Variants in POU6F2 observed in about 807,000 individuals in gnomAD.
POU6F2 encodes the protein POU class 6 homeobox 2.
Under a neutral mutation model 71.3 loss-of-function variants are expected in POU6F2, and 31 were observed. That is an observed-to-expected ratio of 0.43 (90% CI 0.33 to 0.59). POU6F2 has a LOEUF of 0.59. Among genes scored for constraint, POU6F2 ranks in the 20% least tolerant of loss-of-function variants. POU6F2 has a pLI of 0.04. For missense variants in POU6F2, 783 were observed against 856.8 expected, an observed-to-expected ratio of 0.91 and a Z score of 1.07; for synonymous variants, 347 against 355.7, an observed-to-expected ratio of 0.98 and a Z score of 0.27.
chr7:39,172,218 C>G (rs979885047), intron 2 of POU6F2, among the ~76,000 whole-genome samples: 3 of 152,132 alleles, frequency 2.0e-5, no homozygotes, highest in Non-Finnish European at 4.4e-5. Flanking sequence ...AACATTAGAT[C>G]ACATACATTT....
At chr7:39,340,146 T>A in intron 5 of POU6F2, 131 bp downstream of exon 5, 3 of 1,275,620 alleles carry the variant, frequency 2.4e-6, no homozygotes, top group Non-Finnish European at 3.1e-6. Context: ...TTCAAATTGA[T>A]CTCTTAGACA....
intron 5 of POU6F2, chr7:39,404,583 A>G (rs1293527581): frequency 6.6e-6 from 1 of 152,250 alleles, no homozygotes; most frequent in Non-Finnish European, 1.5e-5. Flanking sequence ...GATCCAACTG[A>G]ACATAATTTA....
chr7:39,239,653 A>G (rs75621211), intron 4 of POU6F2, among the ~76,000 whole-genome samples: 18,806 of 152,110 alleles, frequency 0.12, 1,178 homozygotes, highest in East Asian at 0.15. Flanking sequence ...AGGATTAAAT[A>G]AAATTACAAC....
chr7:39,092,738 A>C (rs1430726473), intron 2 of POU6F2, among the ~76,000 whole-genome samples: 1 of 152,170 alleles, frequency 6.6e-6, no homozygotes, highest in Non-Finnish European at 1.5e-5. Flanking sequence ...AAAGGAAACA[A>C]GGGTGGACTT....
chr7:39,197,725 A>G (rs1450126168), intron 2 of POU6F2, among the ~76,000 whole-genome samples: 1 of 152,228 alleles, frequency 6.6e-6, no homozygotes, highest in Non-Finnish European at 1.5e-5. Flanking sequence ...TAAAAATCAG[A>G]CAAACTATTT....
intron 4 of POU6F2, among the ~76,000 whole-genome samples, chr7:39,244,140 A>G (rs1365353876): frequency 6.8e-6 from 1 of 146,556 alleles, no homozygotes; most frequent in Admixed American, 6.8e-5. Context: ...GAGAAATTCA[A>G]TTAAAACTTC....
At chr7:39,150,530 G>A (rs1036321504) in intron 2 of POU6F2, among the ~76,000 whole-genome samples, 37 of 127,466 alleles carry the variant, frequency 2.9e-4, no homozygotes, top group African/African-American at 1.0e-3. Flanking sequence ...GCAGTTGTGT[G>A]ATCTCGGCTC....
At chr7:39,341,948 G>T (rs1785927045) in intron 5 of POU6F2, among the ~76,000 whole-genome samples, 1 of 152,172 alleles carries the variant, frequency 6.6e-6, no homozygotes. Flanking sequence ...AAATCCCAGG[G>T]CTGTTTGTTT....
intron 2 of POU6F2, among the ~76,000 whole-genome samples, chr7:39,096,791 C>T (rs185678181): frequency 4.5e-4 from 69 of 152,152 alleles, no homozygotes; most frequent in Non-Finnish European, 8.2e-4. Flanking sequence ...GGCTGAAAGC[C>T]GAAATGGTTT....
At chr7:39,041,143 G>C (rs538296449) in intron 1 of POU6F2, among the ~76,000 whole-genome samples, 2 of 151,990 alleles carry the variant, frequency 1.3e-5, no homozygotes, top group East Asian at 3.9e-4. Flanking sequence ...TTTTCACTTA[G>C]TAATGTACCA....
intron 2 of POU6F2, among the ~76,000 whole-genome samples, chr7:39,134,506 A>G (rs1238012186): frequency 6.6e-6 from 1 of 152,150 alleles, no homozygotes; most frequent in African/African-American, 2.4e-5. Flanking sequence ...TCCCTTCTTC[A>G]TTCTGTCTTT....
intron 1 of POU6F2, chr7:39,006,776 G>A: frequency 6.9e-7 from 1 of 1,439,122 alleles, no homozygotes; most frequent in Non-Finnish European, 9.8e-7. Flanking sequence ...CTCTTGGGTT[G>A]TGTTACCCTG....
At chr7:39,100,905 C>A (rs1791557682) in intron 2 of POU6F2, among the ~76,000 whole-genome samples, 1 of 152,072 alleles carries the variant, frequency 6.6e-6, no homozygotes, top group African/African-American at 2.4e-5. Context: ...GTTGGGCTAC[C>A]TCGTACACAG....
At chr7:39,028,410 A>G (rs1007235732) in intron 1 of POU6F2, among the ~76,000 whole-genome samples, 1 of 152,154 alleles carries the variant, frequency 6.6e-6, no homozygotes, top group South Asian at 2.1e-4. Flanking sequence ...TTTAAAAGAC[A>G]TACTCTTTTA....
chr7:39,110,003 G>A (rs1791770971), intron 2 of POU6F2, among the ~76,000 whole-genome samples: 1 of 152,152 alleles, frequency 6.6e-6, no homozygotes, highest in African/African-American at 2.4e-5. Context: ...GGGCGCGGAG[G>A]CTCACGCCTG....
chr7:39,196,936 G>A (rs1027775500), intron 2 of POU6F2, among the ~76,000 whole-genome samples: 1 of 152,194 alleles, frequency 6.6e-6, no homozygotes, highest in East Asian at 1.9e-4. Flanking sequence ...AGCGAGCTAT[G>A]GGGAGGGCCC....
chr7:39,134,679 C>T (rs759685342), intron 2 of POU6F2, among the ~76,000 whole-genome samples: 1 of 152,300 alleles, frequency 6.6e-6, no homozygotes, highest in East Asian at 1.9e-4. Flanking sequence ...TCCAATACCC[C>T]ACTCCAATCT....
At chr7:38,979,911 T>C (rs1169678700) in intron 1 of POU6F2, among the ~76,000 whole-genome samples, 1 of 152,156 alleles carries the variant, frequency 6.6e-6, no homozygotes, top group Non-Finnish European at 1.5e-5. Context: ...TTATTCAGTA[T>C]TGTTTATTGG....
intron 1 of POU6F2, among the ~76,000 whole-genome samples, chr7:38,978,372 G>T (rs1433433483): frequency 6.6e-6 from 1 of 152,178 alleles, no homozygotes; most frequent in African/African-American, 2.4e-5. Flanking sequence ...TTTGGATTTT[G>T]ATCTCTGAAA....
Sources: allele counts gnomAD v4.1 joint callset (sites outside exome capture counted in the v4.1 genomes callset), GRCh38; gene constraint gnomAD v4.1.1; transcripts MANE v1.5; gene names NCBI Gene and HGNC (gene_info 2026-07-23, HGNC 2026-07-21).